ZNF705G: variants seen among roughly 807,000 people sequenced by gnomAD.
The protein encoded by ZNF705G is zinc finger protein 705G.
Under a neutral mutation model 19.6 loss-of-function variants are expected in ZNF705G, and 23 were observed. That is an observed-to-expected ratio of 1.17 (90% CI 0.84 to 1.66). The LOEUF is 1.66. ZNF705G is among the 40% of genes most tolerant of loss of function. The pLI, the probability that ZNF705G is intolerant of heterozygous loss-of-function variation, is 0.00. For synonymous variants in ZNF705G, 146 were observed against 117.7 expected, an observed-to-expected ratio of 1.24 and a Z score of -1.56; for missense variants, 457 against 354.4, an observed-to-expected ratio of 1.29 and a Z score of -2.32.
chr8:7,366,445 C>A (rs1179629277), intron 2 of ZNF705G, among the ~76,000 whole-genome samples: 1 of 149,352 alleles, frequency 6.7e-6, no homozygotes, highest in Non-Finnish European at 1.5e-5. Context: ...AAGGAATATG[C>A]AACATATTTA....
intron 3 of ZNF705G, 133 bp downstream of exon 3, chr8:7,362,802 G>T: frequency 1.3e-6 from 2 of 1,576,754 alleles, no homozygotes; most frequent in Non-Finnish European, 1.7e-6. Flanking sequence ...ACCCAGGCAG[G>T]GTGGATTTTA....
At chr8:7,359,565 T>G (rs55661827) in intron 6 of ZNF705G, 54 bp downstream of exon 6, 1 of 1,539,486 alleles carries the variant, frequency 6.5e-7, no homozygotes, top group African/African-American at 1.5e-5. Context: ...ACTAACTTAA[T>G]CCATTAACAT....
intron 5 of ZNF705G, 91 bp downstream of exon 5, chr8:7,360,146 T>A (rs1196493834): frequency 5.2e-5 from 72 of 1,385,290 alleles, no homozygotes; most frequent in Admixed American, 2.1e-4. Flanking sequence ...AAATTATCAC[T>A]CATTTAATAA....
intron 2 of ZNF705G, among the ~76,000 whole-genome samples, chr8:7,380,691 G>C (rs1203924142): frequency 2.1e-5 from 3 of 146,214 alleles, no homozygotes; most frequent in Non-Finnish European, 4.4e-5. Flanking sequence ...CCAGGGTCTT[G>C]AGGGCATGCC....
At chr8:7,360,968 A>G (rs2128836394) in intron 4 of ZNF705G, 142 bp downstream of exon 4, 1 of 1,468,684 alleles carries the variant, frequency 6.8e-7, no homozygotes, top group East Asian at 2.3e-5. Flanking sequence ...ATAGATTTAG[A>G]GAGTTCAAAC....
Position 7,356,412 on chromosome 8 carries a change from T to C in ZNF705G, c.*1564A>G, listed in dbSNP as rs1806250279. The C allele has an allele frequency of 6.7e-6, 1 of 149,730 alleles. No individual in the cohort carries two copies. The highest frequency in any genetic ancestry group is 1.5e-5 in the Non-Finnish European group (1 of 68,190). 9.3% of individuals were successfully genotyped at this position (149,730 alleles called of 1,614,324 possible). ...AAAATTTCAAGAGTCTTCTGAGGGA[T>C]AGAAGAGAAGAGCTGCCTTATTCTC... On this transcript the variant is annotated 3_prime_UTR_variant, in exon 7 of 7. Coordinates refer to ENST00000400156, the MANE Select transcript of ZNF705G (RefSeq NM_001164457.3).
rs1198921984 is a variant in ZNF705G, at chr8:7,374,696, CT to C, written c.-72+6755del. ...GGCAAGAGTGGAAAACAGAATGAGGCTCAGAATACCAAGCCTTAGTGCTGTC... is the reference window on the plus strand; with the variant it reads ...GGCAAGAGTGGAAAACAGAATGAGGCCAGAATACCAAGCCTTAGTGCTGTC... On this transcript the variant is annotated intron_variant, in intron 2 of 6. Coordinates refer to ENST00000400156, the MANE Select transcript of ZNF705G (RefSeq NM_001164457.3). Among the ~76,000 whole-genome samples, 5 of 90,308 alleles carry C rather than the reference CT, an allele frequency of 5.5e-5. 2 individuals carry two copies. Among genetic ancestry groups the C allele is most frequent in the Non-Finnish European group, 1.1e-4 (5 of 46,830 alleles). The allele number at this position is 90,308 out of a possible 152,430, so 59.2% of individuals were successfully genotyped here.
At chr8:7,362,391 C>A (rs1806643772) in intron 3 of ZNF705G, among the ~76,000 whole-genome samples, 1 of 149,556 alleles carries the variant, frequency 6.7e-6, no homozygotes, top group Admixed American at 6.6e-5. Context: ...TCTTTTCCCT[C>A]AACACTGCAC....
At chr8:7,359,510 A>C in intron 6 of ZNF705G, 109 bp downstream of exon 6, 1 of 1,547,612 alleles carries the variant, frequency 6.5e-7, no homozygotes, top group Non-Finnish European at 8.7e-7. Context: ...TGCTTAGAAA[A>C]CACTTAATGC....
rs544217546 is a variant in ZNF705G at position 7,382,904 on chromosome 8, T to C, written c.-221-1303A>G. On this transcript the variant is annotated intron_variant, in intron 1 of 6. Coordinates refer to ENST00000400156, the MANE Select transcript of ZNF705G (RefSeq NM_001164457.3). ...ACACCTGTCACCTGAGTAGAGTACA[T>C]TGTACCTAATAGGTAGTTTTGTATT... Among the ~76,000 whole-genome samples the C allele has an allele frequency of 6.1e-5, 9 of 147,218 alleles. No homozygotes were observed. The East Asian group carries it at 1.5e-3, about 25-fold the overall frequency.
intron 2 of ZNF705G, among the ~76,000 whole-genome samples, chr8:7,369,151 C>A (rs191210635): frequency 5.4e-5 from 8 of 149,474 alleles, no homozygotes; most frequent in Non-Finnish European, 1.0e-4. Flanking sequence ...GGAGAAACTG[C>A]CCCCATGATT....
Position 7,358,095 on chromosome 8 carries a change from C to T in ZNF705G, c.784G>A (p.Gly262Arg). The stretch of plus-strand genomic sequence containing the variant: ...CCAGAGCTTTGACTAAAGGCTTTCC[C>T]ACTTTTATCACATTCATAACACTTT... ...GKKCYECDKS[G>R]KAFSQSSGFR... is the part of the protein sequence containing the mutation. Residue 262 changes from glycine (G) to arginine (R), a missense_variant, in exon 7 of 7, where the codon GGG becomes AGG. Coordinates refer to ENST00000400156, the MANE Select transcript of ZNF705G (RefSeq NM_001164457.3). 3 of 1,607,958 alleles carry T rather than the reference C, an allele frequency of 1.9e-6. No homozygotes were observed. Among genetic ancestry groups the T allele is most frequent in the Non-Finnish European group, 8.5e-7 (1 of 1,179,760 alleles).
intron 3 of ZNF705G, among the ~76,000 whole-genome samples, chr8:7,362,299 A>C (rs1237007512): frequency 6.7e-6 from 1 of 149,870 alleles, no homozygotes; most frequent in Non-Finnish European, 1.5e-5. Context: ...AGGTAAAGTG[A>C]ATGGGGATAA....
At chr8:7,364,532 T>C (rs1414583657) in intron 2 of ZNF705G, among the ~76,000 whole-genome samples, 2 of 149,482 alleles carry the variant, frequency 1.3e-5, no homozygotes, top group Non-Finnish European at 2.9e-5. Flanking sequence ...AATTAGAAAA[T>C]GACCCAGCAA....
At chr8:7,370,571 T>C (rs1259081855) in intron 2 of ZNF705G, among the ~76,000 whole-genome samples, 1 of 145,736 alleles carries the variant, frequency 6.9e-6, no homozygotes, top group Non-Finnish European at 1.5e-5. Context: ...AACTACCTGC[T>C]GATGAGGCTG....
chr8:7,369,447 C>T (rs1807000090), intron 2 of ZNF705G, among the ~76,000 whole-genome samples: 1 of 149,478 alleles, frequency 6.7e-6, no homozygotes, highest in Non-Finnish European at 1.5e-5. Context: ...CACCATCCTC[C>T]AGACCCGAGA....
intron 1 of ZNF705G, among the ~76,000 whole-genome samples, chr8:7,383,467 G>A (rs1202341205): frequency 7.5e-5 from 11 of 146,582 alleles, no homozygotes; most frequent in Admixed American, 5.9e-4. Context: ...TAGCAGAGAC[G>A]AGGTACTCAC....
chr8:7,361,216 A>T lies in ZNF705G; in HGVS notation c.33T>A (p.Asp11Glu). The change falls in exon 4 of 7, where the codon GAT (aspartate) becomes GAA (glutamate). Residue 11 changes from aspartate (D) to glutamate (E), a missense_variant. Asp to Glu is a conservative substitution (Grantham distance 45). Transcript: ENST00000400156. MHSLKKLTFE[D>E]VAIDFTQEEW... ...CTTCCTGGGTGAAGTCAATAGCTAC[A>T]TCTTCAAAAGTCAGTTTCTTCTAAA... 1.3e-6 allele frequency: 2 copies of T among 1,592,682 alleles called. No homozygotes were observed. Among genetic ancestry groups the T allele is most frequent in the South Asian group, 1.1e-5 (1 of 90,736 alleles).
At chr8:7,378,157 T>C (rs2128846314) in intron 2 of ZNF705G, among the ~76,000 whole-genome samples, 1 of 145,794 alleles carries the variant, frequency 6.9e-6, no homozygotes, top group Admixed American at 6.7e-5. Flanking sequence ...CACTCCCCTT[T>C]TTTACTAGGA....
Sources: gnomAD v4.1 joint callset for allele counts (sites outside exome capture counted in the v4.1 genomes callset) on GRCh38, gnomAD v4.1.1 for gene constraint, MANE v1.5 for transcripts, NCBI Gene and HGNC (gene_info 2026-07-23, HGNC 2026-07-21) for gene names.